POU2F1: variants seen among roughly 807,000 people sequenced by gnomAD.
POU2F1 encodes POU domain, class 2, transcription factor 1.
In POU2F1, 16 loss-of-function variants were observed where a neutral mutation model predicts 84.9. That is an observed-to-expected ratio of 0.19 (90% CI 0.13 to 0.29). POU2F1 has a LOEUF of 0.29. Ranked by LOEUF, POU2F1 falls within the 10% of genes least tolerant of loss-of-function variation. The pLI, the probability that POU2F1 is intolerant of heterozygous loss-of-function variation, is 1.00. For missense variants in POU2F1, 738 were observed against 942.6 expected (o/e 0.78, Z 2.84); for synonymous variants, 368 against 368.3 (o/e 1.00, Z 0.01).
At chr1:167,287,870 T>C (rs1434488576) in intron 1 of POU2F1, among the ~76,000 whole-genome samples, 1 of 151,982 alleles carries the variant, frequency 6.6e-6, no homozygotes, top group Admixed American at 6.6e-5. Context: ...AAATCAAATA[T>C]AAAGAGAATA....
intron 1 of POU2F1, among the ~76,000 whole-genome samples, chr1:167,239,385 C>T (rs938210308): frequency 6.6e-6 from 1 of 152,180 alleles, no homozygotes; most frequent in African/African-American, 2.4e-5. Flanking sequence ...AAATACAGTG[C>T]TTATCTGGTA....
intron 1 of POU2F1, chr1:167,257,896 T>C (rs1339772375): frequency 2.6e-5 from 4 of 152,038 alleles, no homozygotes; most frequent in Non-Finnish European, 4.4e-5. Context: ...CTCCTCAGCC[T>C]CCTGAGTAGC....
intron 7 of POU2F1, chr1:167,381,129 C>G (rs1647508629): frequency 6.6e-6 from 1 of 152,212 alleles, no homozygotes; most frequent in Non-Finnish European, 1.5e-5. Context: ...GTCGCCCAGG[C>G]TGGAGTGCAG....
chr1:167,297,130 A>T (rs776190719), intron 1 of POU2F1, among the ~76,000 whole-genome samples: 1 of 152,372 alleles, frequency 6.6e-6, no homozygotes, highest in African/African-American at 2.4e-5. Flanking sequence ...ATGTGCATAT[A>T]CAACAGGAGT....
rs571254128 is a variant in POU2F1 at position 167,332,519 on chromosome 1, T to G, written c.111T>G (p.Ser37Arg). The G allele has an allele frequency of 2.5e-6, 4 of 1,606,636 alleles. No individual in the cohort carries two copies. The East Asian group carries it at 6.7e-5, about 27-fold the overall frequency. Reference protein sequence around the residue: ...PSETSKPSMESGDGNTGTQTN... With the variant: ...PSETSKPSMERGDGNTGTQTN... Reference sequence around the variant, plus strand: ...AAACCAGTAAACCATCTATGGAGAGTGGAGATGGCAACACAGGTAAGAGTT... The same window carrying G: ...AAACCAGTAAACCATCTATGGAGAGGGGAGATGGCAACACAGGTAAGAGTT... Residue 37 changes from serine (S) to arginine (R), a missense_variant, in exon 2 of 16, where the codon AGT (serine) becomes AGG (arginine). Physicochemically the swap from Ser to Arg is moderately radical, Grantham distance 110 (BLOSUM62 -1). Coordinates refer to ENST00000367866, the MANE Select transcript of POU2F1 (RefSeq NM_002697.4).
chr1:167,409,226 TC>T (rs1241360367), intron 13 of POU2F1, among the ~76,000 whole-genome samples: 1 of 152,228 alleles, frequency 6.6e-6, no homozygotes, highest in African/African-American at 2.4e-5. Flanking sequence ...AAGGTAAAGA[TC>T]TAAATTCCTC....
chr1:167,401,805 T>A (rs1649227687), intron 13 of POU2F1, among the ~76,000 whole-genome samples: 1 of 152,246 alleles, frequency 6.6e-6, no homozygotes, highest in Admixed American at 6.5e-5. Context: ...GATCTCCCAC[T>A]AGTCTTTTGC....
intron 7 of POU2F1, among the ~76,000 whole-genome samples, chr1:167,382,564 G>A (rs561229346): frequency 6.6e-6 from 1 of 152,200 alleles, no homozygotes; most frequent in Admixed American, 6.5e-5. Flanking sequence ...TTTTAATTGG[G>A]AAATAATAAG....
chr1:167,237,766 A>ATTTTTTTTTTT, intron 1 of POU2F1, among the ~76,000 whole-genome samples: 1 of 58,034 alleles, frequency 1.7e-5, no homozygotes, highest in African/African-American at 5.9e-5. Context: ...ATATATATAT[A>ATTTTTTTTTTT]TATATATTTT....
intron 1 of POU2F1, among the ~76,000 whole-genome samples, chr1:167,252,154 T>G (rs957266237): frequency 6.6e-6 from 1 of 152,032 alleles, no homozygotes; most frequent in Non-Finnish European, 1.5e-5. Context: ...GAGCCACCGC[T>G]GCAAGTCTCT....
chr1:167,316,435 C>G (rs1363594547), intron 1 of POU2F1, among the ~76,000 whole-genome samples: 2 of 152,074 alleles, frequency 1.3e-5, no homozygotes, highest in Non-Finnish European at 2.9e-5. Context: ...GAGGGAAGAC[C>G]TGAGGCCATA....
At chr1:167,316,766 A>G (rs1252182798) in intron 1 of POU2F1, among the ~76,000 whole-genome samples, 1 of 152,266 alleles carries the variant, frequency 6.6e-6, no homozygotes, top group South Asian at 2.1e-4. Flanking sequence ...GAACAGTTCA[A>G]AAAATGGATG....
At chr1:167,403,381 A>T (rs1649341409) in intron 13 of POU2F1, among the ~76,000 whole-genome samples, 1 of 152,238 alleles carries the variant, frequency 6.6e-6, no homozygotes. Context: ...AAACTATGAG[A>T]TAATAAATTG....
At chr1:167,331,255 T>G (rs1174204206) in intron 1 of POU2F1, among the ~76,000 whole-genome samples, 1 of 152,092 alleles carries the variant, frequency 6.6e-6, no homozygotes, top group Non-Finnish European at 1.5e-5. Context: ...ACACATCTTC[T>G]TGTTGGAAAT....
intron 1 of POU2F1, chr1:167,329,003 G>A: frequency 1.5e-5 from 16 of 1,065,438 alleles, no homozygotes; most frequent in Non-Finnish European, 1.7e-5. Flanking sequence ...TCATGCTTCA[G>A]TTGCCTTGAC....
At chr1:167,230,749 A>G (rs1433457210) in intron 1 of POU2F1, among the ~76,000 whole-genome samples, 1 of 152,202 alleles carries the variant, frequency 6.6e-6, no homozygotes, top group Non-Finnish European at 1.5e-5. Context: ...CTAATTGATT[A>G]TGTAAGTAAA....
chr1:167,261,147 TTGTC>T (rs900088460), intron 1 of POU2F1, among the ~76,000 whole-genome samples: 105 of 152,216 alleles, frequency 6.9e-4, no homozygotes, highest in Admixed American at 2.6e-3. Flanking sequence ...TATCTAAAAT[TTGTC>T]TGATTACTGA....
chr1:167,229,003 T>G (rs2102334927), intron 1 of POU2F1, among the ~76,000 whole-genome samples: 1 of 152,278 alleles, frequency 6.6e-6, no homozygotes, highest in South Asian at 2.1e-4. Flanking sequence ...GTCCTGTGTT[T>G]TTATAAGCAT....
At chr1:167,338,971 A>G (rs1216552827) in intron 2 of POU2F1, among the ~76,000 whole-genome samples, 2 of 152,120 alleles carry the variant, frequency 1.3e-5, no homozygotes, top group African/African-American at 4.8e-5. Flanking sequence ...CAAACTTATT[A>G]TCTTACAGTT....
Sources: gnomAD v4.1 joint callset for allele counts (sites outside exome capture counted in the v4.1 genomes callset) on GRCh38, gnomAD v4.1.1 for gene constraint, MANE v1.5 for transcripts, NCBI Gene and HGNC (gene_info 2026-07-23, HGNC 2026-07-21) for gene names.